Variants in ATRX observed in about 807,000 individuals in gnomAD.
ATRX encodes ATRX chromatin remodeler.
In ATRX, 12 loss-of-function variants were observed where a neutral mutation model predicts 172.6. That is an observed-to-expected ratio of 0.07 (90% CI 0.04 to 0.11). The LOEUF (loss-of-function observed/expected upper bound fraction) is 0.11. Ranked by LOEUF, ATRX falls within the 10% of genes least tolerant of loss-of-function variation. The pLI, the probability that ATRX is intolerant of heterozygous loss-of-function variation, is 1.00. For synonymous variants in ATRX, 674 were observed against 594.7 expected (o/e 1.13, Z -1.94); for missense variants, 1,368 against 1,767.4 (o/e 0.77, Z 4.05).
At chrX:77,543,229 G>A (rs1229408471) in intron 30 of ATRX, among the ~76,000 whole-genome samples, 1 of 112,419 alleles carries the variant, frequency 8.9e-6, no homozygotes, top group South Asian at 3.7e-4. Flanking sequence ...CTGCTCATTA[G>A]AGAAATGCAA....
intron 28 of ATRX, among the ~76,000 whole-genome samples, chrX:77,562,754 C>G (rs1557062623): frequency 9.0e-6 from 1 of 111,533 alleles, no homozygotes; most frequent in East Asian, 2.8e-4. Context: ...ACCATGTTGC[C>G]CAGGCTGGTC....
intron 27 of ATRX, among the ~76,000 whole-genome samples, chrX:77,578,808 C>T (rs2065723226): frequency 8.9e-6 from 1 of 112,020 alleles, no homozygotes; most frequent in Non-Finnish European, 1.9e-5. Context: ...ACCAGGTTGG[C>T]CACAGCGGAC....
chrX:77,585,565 G>A (rs1306501328), intron 27 of ATRX, among the ~76,000 whole-genome samples: 2 of 62,972 alleles, frequency 3.2e-5, no homozygotes, highest in African/African-American at 1.3e-4. Flanking sequence ...GACAGAGCAA[G>A]ACCTTGTCTC....
chrX:77,699,113 C>T (rs1357172254), intron 2 of ATRX, among the ~76,000 whole-genome samples: 1 of 110,047 alleles, frequency 9.1e-6, no homozygotes, highest in Non-Finnish European at 1.9e-5. Context: ...ATCAATAAAA[C>T]CAAAGAGTAG....
intron 2 of ATRX, among the ~76,000 whole-genome samples, chrX:77,701,893 C>T (rs1360349040): frequency 8.3e-5 from 9 of 108,437 alleles, no homozygotes; most frequent in Admixed American, 3.0e-4. Flanking sequence ...TGGCAAAACC[C>T]CATCTCTACT....
chrX:77,527,108 A>T (rs1437267330), intron 30 of ATRX, among the ~76,000 whole-genome samples: 1 of 112,466 alleles, frequency 8.9e-6, no homozygotes, highest in Non-Finnish European at 1.9e-5. Flanking sequence ...ACTAACATCC[A>T]ATTACAAAAC....
intron 1 of ATRX, among the ~76,000 whole-genome samples, chrX:77,756,820 C>T (rs1278171361): frequency 1.8e-5 from 2 of 109,580 alleles, no homozygotes; most frequent in Non-Finnish European, 3.8e-5. Flanking sequence ...GAGTCTCAAT[C>T]TGTCACTCAG....
At chrX:77,767,552 T>C (rs1187502965) in intron 1 of ATRX, among the ~76,000 whole-genome samples, 1 of 109,953 alleles carries the variant, frequency 9.1e-6, no homozygotes, top group Non-Finnish European at 1.9e-5. Flanking sequence ...CCCGCCATCA[T>C]GCTCGGCAAA....
intron 22 of ATRX, 43 bp downstream of exon 22, chrX:77,616,570 T>A: frequency 8.7e-7 from 1 of 1,154,610 alleles, no homozygotes; most frequent in South Asian, 1.8e-5. Context: ...GGAAAAAGAA[T>A]GTCTTTATAG....
intron 12 of ATRX, among the ~76,000 whole-genome samples, chrX:77,663,181 G>T (rs1466839580): frequency 1.8e-5 from 2 of 110,913 alleles, no homozygotes; most frequent in South Asian, 3.8e-4. Flanking sequence ...CAAGTAGCTG[G>T]GACTACAGGT....
At chrX:77,521,997 A>G in intron 32 of ATRX, 1 of 322,681 alleles carries the variant, frequency 3.1e-6, no homozygotes, top group Non-Finnish European at 5.5e-6. Context: ...GCTATTTCCC[A>G]AGCGAGTCAG....
chrX:77,762,552 A>AT (rs1479778551), intron 1 of ATRX, among the ~76,000 whole-genome samples: 1 of 111,346 alleles, frequency 9.0e-6, no homozygotes, highest in Non-Finnish European at 1.9e-5. Flanking sequence ...AACTTCAGAT[A>AT]TAACAGTCTT....
intron 22 of ATRX, among the ~76,000 whole-genome samples, chrX:77,601,716 G>A (rs1442961016): frequency 3.6e-5 from 4 of 111,427 alleles, no homozygotes; most frequent in African/African-American, 9.8e-5. Flanking sequence ...TCCTATCCAC[G>A]GTTTTAAACT....
chrX:77,557,752 T>C, intron 29 of ATRX, 107 bp from the exon 30 acceptor site: 2 of 688,017 alleles, frequency 2.9e-6, no homozygotes, highest in Non-Finnish European at 4.3e-6. Context: ...TAAAACTTTA[T>C]GGTAGTATAT....
chrX:77,635,467 C>T (rs893608377), intron 16 of ATRX, among the ~76,000 whole-genome samples: 17 of 111,498 alleles, frequency 1.5e-4, no homozygotes, highest in African/African-American at 5.5e-4. Context: ...ACTAGCAACT[C>T]AAAAGGTAGG....
chrX:77,656,437 T>C, intron 13 of ATRX, 123 bp downstream of exon 13: 1 of 541,118 alleles, frequency 1.8e-6, no homozygotes, highest in Non-Finnish European at 3.2e-6. Flanking sequence ...ACAATTAGTT[T>C]CAAATCAAAA....
intron 2 of ATRX, among the ~76,000 whole-genome samples, chrX:77,707,776 T>C (rs1360098872): frequency 2.7e-5 from 3 of 111,455 alleles, no homozygotes; most frequent in African/African-American, 6.5e-5. Flanking sequence ...AGGGTTTGAA[T>C]AGAAGTTTCT....
chrX:77,611,641 G>A (rs921694654), intron 22 of ATRX, among the ~76,000 whole-genome samples: 6 of 110,902 alleles, frequency 5.4e-5, no homozygotes, highest in Admixed American at 9.6e-5. Flanking sequence ...GGTATCACTT[G>A]AGCCCAGAAG....
chrX:77,735,635 T>TAAATAAATAAAA (rs1271846022), intron 1 of ATRX, among the ~76,000 whole-genome samples: 1 of 76,619 alleles, frequency 1.3e-5, no homozygotes, highest in Non-Finnish European at 2.4e-5. Flanking sequence ...AATAAATAAA[T>TAAATAAATAAAA]AAAAATAAAT....
Sources: gnomAD v4.1 joint callset for allele counts (sites outside exome capture counted in the v4.1 genomes callset) on GRCh38, gnomAD v4.1.1 for gene constraint, MANE v1.5 for transcripts, NCBI Gene and HGNC (gene_info 2026-07-23, HGNC 2026-07-21) for gene names.